The following ZNF366 variants were observed in gnomAD, a reference collection of about 807,000 sequenced individuals.
The protein encoded by ZNF366 is zinc finger protein 366.
A neutral mutation model predicts 47.2 loss-of-function variants in ZNF366; 20 were observed. The ratio of observed to expected loss-of-function variants is 0.42; its 90% CI spans 0.30 to 0.62. ZNF366 has a LOEUF of 0.62. Among genes scored for constraint, ZNF366 ranks in the 20% least tolerant of loss-of-function variants. ZNF366 has a pLI of 0.16. For synonymous variants in ZNF366, 421 were observed against 395.1 expected (o/e 1.07, Z -0.78); for missense variants, 987 against 976.3 (o/e 1.01, Z -0.15).
chr5:72,447,481 G>A, intron 3 of ZNF366, 64 bp from the exon 4 acceptor site: 1 of 1,574,064 alleles, frequency 6.4e-7, no homozygotes, highest in Non-Finnish European at 8.7e-7. Flanking sequence ...CCAGGCCCCT[G>A]GAGCACAGAT....
At chr5:72,489,509 T>C (rs1239801139) in intron 1 of ZNF366, among the ~76,000 whole-genome samples, 2 of 152,164 alleles carry the variant, frequency 1.3e-5, no homozygotes, top group Non-Finnish European at 2.9e-5. Context: ...ATAATGTACC[T>C]AATAGGTAAT....
At chr5:72,505,916 C>T (rs1580258689) in intron 1 of ZNF366, among the ~76,000 whole-genome samples, 1 of 152,014 alleles carries the variant, frequency 6.6e-6, no homozygotes, top group South Asian at 2.1e-4. Flanking sequence ...TTACATTGCT[C>T]GTTTTATGAT....
intron 3 of ZNF366, among the ~76,000 whole-genome samples, chr5:72,453,572 G>A (rs890650027): frequency 6.6e-5 from 10 of 152,248 alleles, no homozygotes; most frequent in Admixed American, 6.5e-4. Flanking sequence ...AGAACCACAG[G>A]ACAGCATCTT....
intron 1 of ZNF366, among the ~76,000 whole-genome samples, chr5:72,474,303 C>T (rs1743627651): frequency 6.6e-6 from 1 of 152,142 alleles, no homozygotes; most frequent in South Asian, 2.1e-4. Flanking sequence ...GCTGGGGCAG[C>T]TAAGCCATCC....
At chr5:72,471,150 A>G (rs1223433164) in intron 1 of ZNF366, among the ~76,000 whole-genome samples, 1 of 152,176 alleles carries the variant, frequency 6.6e-6, no homozygotes, top group Non-Finnish European at 1.5e-5. Flanking sequence ...CTCCATGCAA[A>G]TGCTCATTCG....
At chr5:72,482,492 T>C (rs1490422493) in intron 1 of ZNF366, among the ~76,000 whole-genome samples, 1 of 152,122 alleles carries the variant, frequency 6.6e-6, no homozygotes, top group Non-Finnish European at 1.5e-5. Flanking sequence ...CATAAGTGAG[T>C]TCTTTCAACA....
intron 1 of ZNF366, among the ~76,000 whole-genome samples, chr5:72,505,279 T>G (rs574983877): frequency 2.0e-5 from 3 of 152,366 alleles, no homozygotes; most frequent in Admixed American, 2.0e-4. Context: ...TGAGTGGTAG[T>G]GACTTCGATG....
At chr5:72,504,269 A>G (rs184536421) in intron 1 of ZNF366, among the ~76,000 whole-genome samples, 7 of 152,318 alleles carry the variant, frequency 4.6e-5, no homozygotes, top group Non-Finnish European at 8.8e-5. Flanking sequence ...TAGCTGAGTC[A>G]TGGTACAACC....
chr5:72,498,580 C>G (rs1744155885), intron 1 of ZNF366, among the ~76,000 whole-genome samples: 2 of 152,222 alleles, frequency 1.3e-5, no homozygotes, highest in South Asian at 2.1e-4. Context: ...TCCCTGCCCC[C>G]ACTAGCTAAC....
intron 1 of ZNF366, among the ~76,000 whole-genome samples, chr5:72,502,567 T>A (rs550128606): frequency 1.6e-3 from 237 of 152,340 alleles, no homozygotes; most frequent in African/African-American, 5.6e-3. Flanking sequence ...GCATACAATA[T>A]GACCTGTGAA....
At chr5:72,452,013 G>A (rs1580232602) in intron 3 of ZNF366, among the ~76,000 whole-genome samples, 2 of 152,334 alleles carry the variant, frequency 1.3e-5, no homozygotes, top group Middle Eastern at 3.4e-3. Flanking sequence ...CAGAGACAGG[G>A]TGATAGCAGT....
At chr5:72,490,151 G>C (rs1036307003) in intron 1 of ZNF366, among the ~76,000 whole-genome samples, 1 of 152,216 alleles carries the variant, frequency 6.6e-6, no homozygotes, top group South Asian at 2.1e-4. Flanking sequence ...TCAAGGGTCA[G>C]AGAAGGGAAG....
chr5:72,485,789 A>G (rs1743879829), intron 1 of ZNF366, among the ~76,000 whole-genome samples: 3 of 152,098 alleles, frequency 2.0e-5, no homozygotes. Flanking sequence ...TGTTACTCCT[A>G]TGATCTCATG....
At chr5:72,453,763 T>C (rs780686843) in intron 3 of ZNF366, among the ~76,000 whole-genome samples, 1 of 152,244 alleles carries the variant, frequency 6.6e-6, no homozygotes, top group Non-Finnish European at 1.5e-5. Flanking sequence ...AGGAAGACCC[T>C]GACTGTATGC....
At position 72,461,090 on chromosome 5, in the gene ZNF366, A is replaced by T; in HGVS notation, c.407T>A (p.Phe136Tyr). ...GTGTTCCAGGCTGCGGTAGAATTGGAAGCCCACGTTGCACAGGTCGATCAT... is the reference window on the plus strand; with the variant it reads ...GTGTTCCAGGCTGCGGTAGAATTGGTAGCCCACGTTGCACAGGTCGATCAT... ...SQMIDLCNVG[F>Y]QFYRSLEHFG... Residue 136 changes from phenylalanine (F) to tyrosine (Y), a missense_variant, in exon 2 of 5, where the codon TTC (phenylalanine) becomes TAC (tyrosine). Phe to Tyr is a conservative substitution (Grantham distance 22, BLOSUM62 3). Around this residue, in one of 3 missense-constraint regions of ZNF366, gnomAD observed 591 missense variants for 560.9 expected, o/e 1.05. Coordinates refer to ENST00000318442, the MANE Select transcript of ZNF366 (RefSeq NM_152625.3). The T allele has an allele frequency of 6.2e-7, 1 of 1,613,960 alleles. No homozygotes were observed. The highest frequency in any genetic ancestry group is 2.2e-5 in the East Asian group (1 of 44,840).
chr5:72,449,018 C>A (rs1385011798), intron 3 of ZNF366, among the ~76,000 whole-genome samples: 1 of 152,114 alleles, frequency 6.6e-6, no homozygotes, highest in African/African-American at 2.4e-5. Context: ...ACCTGCACAC[C>A]ACATTCATTT....
chr5:72,462,344 A>G (rs1743332355), intron 1 of ZNF366, among the ~76,000 whole-genome samples: 1 of 152,164 alleles, frequency 6.6e-6, no homozygotes, highest in Non-Finnish European at 1.5e-5. Context: ...CCTTTCAGAC[A>G]GGTGTCAAAG....
In ZNF366 at chr5:72,458,012, C is replaced by CTTTTTT. The variant is rs1228705988; in HGVS notation, c.1333-1423_1333-1418dup. On this transcript the variant is annotated intron_variant, in intron 2 of 4. Transcript: ENST00000318442. Reference sequence around the variant, plus strand: ...TTTTAAATTTTATTTTAGCATCTTTCTTTTTTTTTTTTTTTTTTTTTTGAG... The same window carrying CTTTTTT: ...TTTTAAATTTTATTTTAGCATCTTTCTTTTTTTTTTTTTTTTTTTTTTTTTTTTGAG... 2.8e-3 allele frequency among the ~76,000 whole-genome samples: 268 copies of CTTTTTT among 97,018 alleles called. 1 individual carries two copies. Among genetic ancestry groups the CTTTTTT allele is most frequent in the Middle Eastern group, 7.6e-3 (1 of 132 alleles). 63.6% of individuals were successfully genotyped at this position (97,018 alleles called of 152,430 possible).
chr5:72,495,976 T>C (rs1275985615), intron 1 of ZNF366, among the ~76,000 whole-genome samples: 1 of 151,018 alleles, frequency 6.6e-6, no homozygotes, highest in Non-Finnish European at 1.5e-5. Context: ...ATATGAAAAA[T>C]ACACTTTTTT....
Sources: gnomAD v4.1 joint callset for allele counts (sites outside exome capture counted in the v4.1 genomes callset) on GRCh38, gnomAD v4.1.1 for gene constraint, gnomAD v4.1.1 regional missense constraint, MANE v1.5 for transcripts, NCBI Gene and HGNC (gene_info 2026-07-23, HGNC 2026-07-21) for gene names.